MEI4: variants seen among roughly 807,000 people sequenced by gnomAD.
MEI4 encodes the protein meiosis-specific protein MEI4.
MEI4 carries 27 observed loss-of-function variants against 31.4 expected under a neutral mutation model. The observed-to-expected ratio is 0.86, with a 90% confidence interval of 0.63 to 1.19. MEI4 has a LOEUF of 1.19. Ranked by LOEUF, MEI4 falls within the 50% of genes most tolerant of loss-of-function variation. The pLI, the probability that MEI4 is intolerant of heterozygous loss-of-function variation, is 0.00. For synonymous variants in MEI4, 122 were observed against 145.4 expected (o/e 0.84, Z 1.16); for missense variants, 329 against 398.9 (o/e 0.82, Z 1.49).
chr6:77,738,557 G>A (rs1235833731), intron 2 of MEI4, among the ~76,000 whole-genome samples: 1 of 152,096 alleles, frequency 6.6e-6, no homozygotes, highest in Non-Finnish European at 1.5e-5. Flanking sequence ...AAACATACAT[G>A]TGCATGTGTC....
At chr6:77,863,782 A>T (rs576877912) in intron 4 of MEI4, among the ~76,000 whole-genome samples, 1 of 151,898 alleles carries the variant, frequency 6.6e-6, no homozygotes, top group Admixed American at 6.6e-5. Flanking sequence ...TAATTGTCAG[A>T]TTCACCAAAG....
At chr6:77,749,587 C>T (rs57134400) in intron 2 of MEI4, among the ~76,000 whole-genome samples, 7 of 151,892 alleles carry the variant, frequency 4.6e-5, no homozygotes, top group African/African-American at 1.7e-4. Context: ...TGAAAAGAAA[C>T]AAACAAAGCC....
intron 1 of MEI4, among the ~76,000 whole-genome samples, chr6:77,684,430 T>G (rs1418403064): frequency 6.6e-6 from 1 of 151,758 alleles, no homozygotes; most frequent in Admixed American, 6.6e-5. Context: ...TATTGAATAG[T>G]AGGTCTTATT....
At chr6:77,787,035 T>G (rs1402002321) in intron 3 of MEI4, among the ~76,000 whole-genome samples, 1 of 152,166 alleles carries the variant, frequency 6.6e-6, no homozygotes, top group Non-Finnish European at 1.5e-5. Context: ...AATGGTCCTG[T>G]ATTTTGGCTC....
chr6:77,864,214 A>G (rs1221590488), intron 4 of MEI4, among the ~76,000 whole-genome samples: 2 of 152,210 alleles, frequency 1.3e-5, no homozygotes, highest in Non-Finnish European at 2.9e-5. Flanking sequence ...TGGCAGGATC[A>G]AATTCACATA....
rs562661852 is a variant in MEI4, at chr6:77,880,222, T to G, written c.901-42867T>G. Among the ~76,000 whole-genome samples the G allele has an allele frequency of 2.1e-3, 303 of 142,052 alleles. 3 individuals are homozygous for G. Among genetic ancestry groups the G allele is most frequent in the Admixed American group, 7.2e-3 (101 of 13,978 alleles). The allele number at this position is 142,052 out of a possible 152,430, so 93.2% of individuals were successfully genotyped here. The stretch of plus-strand genomic sequence containing the variant: ...CTCTCTTGAATGTATTATTGTGGGG[T>G]TTTTTTTGTTTGTTTTTTTTTTTTT... On this transcript the variant is annotated intron_variant, in intron 4 of 4. Transcript: ENST00000684080.
intron 4 of MEI4, among the ~76,000 whole-genome samples, chr6:77,880,261 C>T (rs1170143603): frequency 6.8e-6 from 1 of 148,070 alleles, no homozygotes; most frequent in Non-Finnish European, 1.5e-5. Flanking sequence ...GACAGAGTCT[C>T]ACTGTGTCGC....
intron 3 of MEI4, among the ~76,000 whole-genome samples, chr6:77,810,969 G>T (rs1769563710): frequency 6.6e-6 from 1 of 152,032 alleles, no homozygotes; most frequent in African/African-American, 2.4e-5. Flanking sequence ...AATCAGAACT[G>T]CTTATATTGA....
chr6:77,734,239 C>A (rs143812501), intron 2 of MEI4, among the ~76,000 whole-genome samples: 118 of 152,070 alleles, frequency 7.8e-4, no homozygotes, highest in Non-Finnish European at 1.4e-3. Flanking sequence ...TTAACATCTC[C>A]CATTATTAAT....
intron 1 of MEI4, among the ~76,000 whole-genome samples, chr6:77,671,554 G>C (rs1184191752): frequency 6.6e-6 from 1 of 152,196 alleles, no homozygotes; most frequent in Admixed American, 6.5e-5. Context: ...CAAGGTCACA[G>C]TTTGATGGAT....
intron 2 of MEI4, among the ~76,000 whole-genome samples, chr6:77,696,786 A>C (rs1465400951): frequency 1.3e-5 from 2 of 151,922 alleles, no homozygotes; most frequent in Non-Finnish European, 2.9e-5. Context: ...TCATAAAATG[A>C]GTTAGGGAGG....
At chr6:77,833,000 A>G (rs760967811) in intron 4 of MEI4, among the ~76,000 whole-genome samples, 40 of 152,226 alleles carry the variant, frequency 2.6e-4, no homozygotes, top group Non-Finnish European at 5.6e-4. Context: ...AGCTGTGTTC[A>G]TTTGAATGGG....
At chr6:77,707,709 G>A (rs1400659496) in intron 2 of MEI4, among the ~76,000 whole-genome samples, 1 of 152,198 alleles carries the variant, frequency 6.6e-6, no homozygotes, top group African/African-American at 2.4e-5. Flanking sequence ...TCTGAGTCAG[G>A]CCCAGGGCTC....
intron 2 of MEI4, among the ~76,000 whole-genome samples, chr6:77,732,528 G>A (rs1366053203): frequency 6.7e-6 from 1 of 149,104 alleles, no homozygotes; most frequent in African/African-American, 2.4e-5. Flanking sequence ...GAGATTTTGG[G>A]CTGAGACAAG....
At chr6:77,754,731 G>A (rs1422285949) in intron 2 of MEI4, among the ~76,000 whole-genome samples, 1 of 152,152 alleles carries the variant, frequency 6.6e-6, no homozygotes, top group East Asian at 1.9e-4. Context: ...GGCTGGGGTG[G>A]CCTCAGGGAA....
chr6:77,840,506 A>G (rs181029752), intron 4 of MEI4, among the ~76,000 whole-genome samples: 64 of 152,308 alleles, frequency 4.2e-4, no homozygotes, highest in Non-Finnish European at 6.3e-4. Context: ...TCTGTGAGCC[A>G]TGAACATAAT....
rs1255872810 is a variant in MEI4 at position 77,674,990 on chromosome 6, A to G, written c.-14-15668A>G. ...GAAATTTATTCATTTTGATGGATGT[A>G]ACTAGTTCATTTATTTTTCATTGCT... On this transcript the variant is annotated intron_variant, in intron 1 of 4. Coordinates refer to ENST00000684080, the MANE Select transcript of MEI4 (RefSeq NM_001322247.2). Among the ~76,000 whole-genome samples, 3 of 130,130 alleles carry G rather than the reference A, an allele frequency of 2.3e-5. No homozygotes were observed. In the East Asian group the frequency reaches 5.9e-4, roughly 25 times the overall value. 85.4% of individuals were successfully genotyped at this position (130,130 alleles called of 152,430 possible).
chr6:77,659,020 A>G (rs982461912), intron 1 of MEI4, among the ~76,000 whole-genome samples: 1 of 152,116 alleles, frequency 6.6e-6, no homozygotes, highest in African/African-American at 2.4e-5. Flanking sequence ...TTGGAGGACA[A>G]CTGCAGCTAA....
At chr6:77,828,810 C>T in intron 3 of MEI4, 121 bp from the exon 4 acceptor site, 2 of 699,568 alleles carry the variant, frequency 2.9e-6, no homozygotes, top group South Asian at 1.6e-4. Context: ...TTGAGACTGA[C>T]CCAGAATTAC....
Sources: allele counts gnomAD v4.1 joint callset (sites outside exome capture counted in the v4.1 genomes callset), GRCh38; gene constraint gnomAD v4.1.1; transcripts MANE v1.5; gene names NCBI Gene and HGNC (gene_info 2026-07-23, HGNC 2026-07-21).